The following DMXL1 variants were observed in gnomAD, a reference collection of about 807,000 sequenced individuals.
The protein encoded by DMXL1 is Dmx like 1.
A neutral mutation model predicts 319.2 loss-of-function variants in DMXL1; 99 were observed. The ratio of observed to expected loss-of-function variants is 0.31; its 90% CI spans 0.26 to 0.37. DMXL1 has a LOEUF of 0.37. Among genes scored for constraint, DMXL1 ranks in the 10% least tolerant of loss-of-function variants. DMXL1 has a pLI of 1.00. For missense variants in DMXL1, 3,745 were observed against 3,595.6 expected, an observed-to-expected ratio of 1.04 and a Z score of -1.06; for synonymous variants, 1,385 against 1,235.2, an observed-to-expected ratio of 1.12 and a Z score of -2.54.
chr5:119,090,513 C>T (rs1390996385), intron 1 of DMXL1, among the ~76,000 whole-genome samples: 1 of 146,454 alleles, frequency 6.8e-6, no homozygotes, highest in Non-Finnish European at 1.5e-5. Context: ...TTTTTTGTAT[C>T]TTGTAGGCAA....
rs1160318910 is a variant in DMXL1, at chr5:119,133,778, A to G, written c.1854A>G (p.Glu618=). The change falls in exon 12 of 44, where the codon GAA becomes GAG. Residue 618 remains glutamate, a synonymous_variant. Transcript: ENST00000539542. ...AGTGGCTGGTCAGTTTTGCCGAGGA[A>G]TCTGCTTTTTCTACTGTTCTCAGTA... ...LNQWLVSFAE[E]SAFSTVLSIS... 3.7e-6 allele frequency: 6 copies of G among 1,614,152 alleles called. No individual in the cohort carries two copies. The Middle Eastern group carries it at 6.6e-4, about 178-fold the overall frequency.
At chr5:119,223,462 A>T (rs1784996041) in intron 37 of DMXL1, among the ~76,000 whole-genome samples, 2 of 152,216 alleles carry the variant, frequency 1.3e-5, no homozygotes, top group Admixed American at 6.5e-5. Flanking sequence ...TTGGACGTAT[A>T]GTAGGTGTTC....
chr5:119,232,163 A>G (rs1786867907), intron 38 of DMXL1, among the ~76,000 whole-genome samples: 1 of 152,052 alleles, frequency 6.6e-6, no homozygotes, highest in South Asian at 2.1e-4. Flanking sequence ...TTTTAACGTT[A>G]TAAATAATAA....
At chr5:119,126,622 A>G (rs1763638822) in intron 9 of DMXL1, among the ~76,000 whole-genome samples, 2 of 152,170 alleles carry the variant, frequency 1.3e-5, no homozygotes, top group South Asian at 4.1e-4. Flanking sequence ...CAATAACAAA[A>G]AAAATTTTTG....
intron 34 of DMXL1, among the ~76,000 whole-genome samples, chr5:119,209,403 G>A (rs563259018): frequency 3.1e-4 from 46 of 150,344 alleles, no homozygotes; most frequent in Admixed American, 2.5e-3. Flanking sequence ...CAGGCTGGGT[G>A]TAGTGGTGTG....
chr5:119,238,727 A>T, intron 40 of DMXL1: 1 of 169,972 alleles, frequency 5.9e-6, no homozygotes. Context: ...AAGTGTGTGT[A>T]TGCGTGGGTG....
intron 33 of DMXL1, among the ~76,000 whole-genome samples, chr5:119,205,457 A>C (rs1455237882): frequency 6.6e-6 from 1 of 152,108 alleles, no homozygotes; most frequent in Non-Finnish European, 1.5e-5. Context: ...AATTATTTTA[A>C]TCAGGAGCAT....
Position 119,189,812 on chromosome 5 carries a change from A to G in DMXL1, c.7240A>G (p.Ser2414Gly). The change falls in exon 29 of 44, where the codon AGC becomes GGC. Residue 2414 changes from serine (S) to glycine (G), a missense_variant. This residue lies in a region of DMXL1 where 1,382 missense variants were observed against 1,269.5 expected (regional missense o/e 1.09). Coordinates refer to ENST00000539542, the MANE Select transcript of DMXL1 (RefSeq NM_001290321.3). ...ACTGACCCCTTCCTCGGCACCAGTAAGCCAGGAGTCACTGGCGGTTAAAGA... is the reference window on the plus strand; with the variant it reads ...ACTGACCCCTTCCTCGGCACCAGTAGGCCAGGAGTCACTGGCGGTTAAAGA... ...APLTPSSAPV[S>G]QESLAVKEKF... 6.2e-7 allele frequency: 1 copy of G among 1,614,140 alleles called. No individual in the cohort carries two copies. The highest frequency in any genetic ancestry group is 8.5e-7 in the Non-Finnish European group (1 of 1,179,998).
chr5:119,198,096 C>G, intron 32 of DMXL1, 140 bp downstream of exon 32: 2 of 752,002 alleles, frequency 2.7e-6, no homozygotes, highest in Non-Finnish European at 4.3e-6. Flanking sequence ...TCAAGTGATT[C>G]TCCTGCCTCA....
chr5:119,151,802 G>C, intron 18 of DMXL1, 127 bp from the exon 19 acceptor site: 2 of 491,432 alleles, frequency 4.1e-6, no homozygotes, highest in Non-Finnish European at 7.2e-6. Context: ...AAAGATAAAT[G>C]TTAGAAAATA....
intron 30 of DMXL1, among the ~76,000 whole-genome samples, chr5:119,195,273 A>T (rs2150400262): frequency 6.6e-6 from 1 of 152,314 alleles, no homozygotes; most frequent in East Asian, 1.9e-4. Flanking sequence ...GAAAACAGGG[A>T]CTGAAACAGG....
In DMXL1 at chr5:119,227,572, G is replaced by T. The variant is rs542845000; in HGVS notation, c.8338+2803G>T. 2.6e-5 allele frequency among the ~76,000 whole-genome samples: 4 copies of T among 152,088 alleles called. No individual in the cohort carries two copies. The East Asian group carries it at 7.7e-4, about 29-fold the overall frequency. On this transcript the variant is annotated intron_variant, in intron 38 of 43. Coordinates refer to ENST00000539542, the MANE Select transcript of DMXL1 (RefSeq NM_001290321.3). ...CTTTACTCTTCTGTAAGGCAACCATGTAAGGGACTATATATGTACAGTACC... is the reference window on the plus strand; with the variant it reads ...CTTTACTCTTCTGTAAGGCAACCATTTAAGGGACTATATATGTACAGTACC...
At position 119,129,831 on chromosome 5, in the gene DMXL1, A is replaced by G. The variant is rs921919892; in HGVS notation, c.1315+408A>G. 1.3e-3 allele frequency among the ~76,000 whole-genome samples: 205 copies of G among 152,374 alleles called. 4 individuals are homozygous for G. Among genetic ancestry groups the G allele is most frequent in the East Asian group, 5.8e-4 (3 of 5,192 alleles). ...GTTTGAGAAGCATTGAAACTAGGAC[A>G]TTAAATTTCTCTGCCTTTGGCCTTC... On this transcript the variant is annotated intron_variant, in intron 10 of 43. Coordinates refer to ENST00000539542, the MANE Select transcript of DMXL1 (RefSeq NM_001290321.3).
rs143748080 is a variant in DMXL1 at position 119,206,961 on chromosome 5, A to G, written c.7926+65A>G. On this transcript the variant is annotated intron_variant, in intron 34 of 43. Coordinates refer to ENST00000539542, the MANE Select transcript of DMXL1 (RefSeq NM_001290321.3). The stretch of plus-strand genomic sequence containing the variant: ...TTTCACAAAAGAACAAAGCATTTGC[A>G]TTTTACTTTTAAACTGGTCTTTGTT... 390 of 991,512 alleles carry G rather than the reference A, an allele frequency of 3.9e-4. 1 individual carries two copies. In the African/African-American group the frequency reaches 5.6e-3, roughly 14 times the overall value. The allele number at this position is 991,512 out of a possible 1,614,324, so 61.4% of individuals were successfully genotyped here.
intron 7 of DMXL1, among the ~76,000 whole-genome samples, chr5:119,118,428 C>A (rs1224466385): frequency 1.3e-5 from 2 of 152,098 alleles, no homozygotes; most frequent in Non-Finnish European, 2.9e-5. Context: ...TAATCTCAGT[C>A]TTTGTTTTTT....
At chr5:119,122,202 T>G (rs1158620094) in intron 9 of DMXL1, among the ~76,000 whole-genome samples, 2 of 110,120 alleles carry the variant, frequency 1.8e-5, no homozygotes, top group Admixed American at 8.8e-5. Flanking sequence ...CACTTCCCAG[T>G]AGGGGCGGCC....
chr5:119,232,696 C>T (rs931818764), intron 38 of DMXL1, among the ~76,000 whole-genome samples: 8 of 151,746 alleles, frequency 5.3e-5, no homozygotes, highest in Non-Finnish European at 7.4e-5. Flanking sequence ...AAAACAAGTC[C>T]GGTGCAGTGG....
At chr5:119,088,239 G>A (rs183230559) in intron 1 of DMXL1, among the ~76,000 whole-genome samples, 80 of 152,254 alleles carry the variant, frequency 5.3e-4, no homozygotes, top group African/African-American at 1.9e-3. Context: ...GATTTGTAGC[G>A]TATTTTATCT....
At chr5:119,196,342 T>A (rs1176177446) in intron 30 of DMXL1, 29 bp from the exon 31 acceptor site, 1 of 1,565,400 alleles carries the variant, frequency 6.4e-7, no homozygotes, top group Non-Finnish European at 8.8e-7. Context: ...TAGAAATAGT[T>A]AACAGATCCA....
Sources: gnomAD v4.1 joint callset for allele counts (sites outside exome capture counted in the v4.1 genomes callset) on GRCh38, gnomAD v4.1.1 for gene constraint, gnomAD v4.1.1 regional missense constraint, MANE v1.5 for transcripts, NCBI Gene and HGNC (gene_info 2026-07-23, HGNC 2026-07-21) for gene names.